STX8: variants seen among roughly 807,000 people sequenced by gnomAD.
The protein encoded by STX8 is syntaxin 8.
In STX8, 23 loss-of-function variants were observed where a neutral mutation model predicts 37.5. That is an observed-to-expected ratio of 0.61 (90% confidence interval 0.44 to 0.87). The LOEUF is 0.87. Among genes scored for constraint, STX8 ranks in the 40% least tolerant of loss-of-function variants. The pLI, the probability that STX8 is intolerant of heterozygous loss-of-function variation, is 0.00. For missense variants in STX8, 313 were observed against 284.7 expected, an observed-to-expected ratio of 1.10 and a Z score of -0.71; for synonymous variants, 115 against 99.1, an observed-to-expected ratio of 1.16 and a Z score of -0.95.
chr17:9,437,524 A>G (rs1365041924), intron 6 of STX8, among the ~76,000 whole-genome samples: 5 of 152,238 alleles, frequency 3.3e-5, no homozygotes, highest in African/African-American at 1.2e-4. Flanking sequence ...ACGTCTGACA[A>G]CTGTAGCTTT....
chr17:9,571,833 T>G (rs1476480738), intron 1 of STX8, among the ~76,000 whole-genome samples: 1 of 145,764 alleles, frequency 6.9e-6, no homozygotes, highest in Non-Finnish European at 1.5e-5. Context: ...GAGAATCACT[T>G]GAACTCAGGA....
chr17:9,378,529 G>C, intron 7 of STX8, 23 bp downstream of exon 7: 1 of 1,583,802 alleles, frequency 6.3e-7, no homozygotes, highest in Non-Finnish European at 8.7e-7. Flanking sequence ...CAGAAACAGA[G>C]CCATAACGTA....
chr17:9,562,407 G>A lies in STX8; in HGVS notation c.118-4879C>T, dbSNP rs1471797181. Among the ~76,000 whole-genome samples the A allele has an allele frequency of 9.5e-5, 14 of 146,874 alleles. No individual in the cohort carries two copies. In the East Asian group the frequency reaches 2.3e-3, roughly 24 times the overall value. On this transcript the variant is annotated intron_variant, in intron 2 of 7. Coordinates refer to ENST00000306357, the MANE Select transcript of STX8 (RefSeq NM_004853.3). Reference sequence around the variant, plus strand: ...GGCGACAGAGCGAGACTCCGTCTCAGGAAAAAAAAAAAAAAACTTTCACAC... The same window carrying A: ...GGCGACAGAGCGAGACTCCGTCTCAAGAAAAAAAAAAAAAAACTTTCACAC...
At chr17:9,447,068 C>T in intron 6 of STX8, among the ~76,000 whole-genome samples, 1 of 152,160 alleles carries the variant, frequency 6.6e-6, no homozygotes, top group East Asian at 1.9e-4. Context: ...TATTCAAGGT[C>T]AAGAACTTGG....
Position 9,454,502 on chromosome 17 carries a change from C to T in STX8, c.541+37327G>A, listed in dbSNP as rs1241494171. 2.0e-5 allele frequency among the ~76,000 whole-genome samples: 3 copies of T among 151,648 alleles called. No homozygotes were observed. The Middle Eastern group carries it at 0.01, about 519-fold the overall frequency. Reference sequence around the variant, plus strand: ...GACCATCCTGGCTAACACAGTGAAACCCCATCTCTACTAAAAAAATACAAA... The same window carrying T: ...GACCATCCTGGCTAACACAGTGAAATCCCATCTCTACTAAAAAAATACAAA... On this transcript the variant is annotated intron_variant, in intron 6 of 7. Coordinates refer to ENST00000306357, the MANE Select transcript of STX8 (RefSeq NM_004853.3).
chr17:9,278,678 T>C (rs1428341980), intron 7 of STX8, among the ~76,000 whole-genome samples: 3 of 152,052 alleles, frequency 2.0e-5, no homozygotes, highest in Admixed American at 2.0e-4. Flanking sequence ...TGCAGTATAA[T>C]GGAGCTCAGA....
At chr17:9,537,864 A>G (rs1174364508) in intron 4 of STX8, among the ~76,000 whole-genome samples, 1 of 152,050 alleles carries the variant, frequency 6.6e-6, no homozygotes, top group Non-Finnish European at 1.5e-5. Flanking sequence ...AATACAATCT[A>G]TTTTTTTGAA....
At chr17:9,319,981 T>G (rs1180326335) in intron 7 of STX8, among the ~76,000 whole-genome samples, 1 of 151,172 alleles carries the variant, frequency 6.6e-6, no homozygotes, top group Non-Finnish European at 1.5e-5. Flanking sequence ...TAAAATAAAA[T>G]AAAAGCAAAC....
chr17:9,311,303 G>C (rs115068443), intron 7 of STX8, among the ~76,000 whole-genome samples: 1 of 151,200 alleles, frequency 6.6e-6, no homozygotes, highest in Non-Finnish European at 1.5e-5. Context: ...CTGGCTATTC[G>C]CAGCTGCCTG....
At chr17:9,466,068 T>A (rs1024986616) in intron 6 of STX8, among the ~76,000 whole-genome samples, 11 of 152,112 alleles carry the variant, frequency 7.2e-5, no homozygotes, top group African/African-American at 2.4e-4. Context: ...CCTCCTGGGT[T>A]CAAGTGATTC....
At chr17:9,352,397 T>G (rs1157871515) in intron 7 of STX8, among the ~76,000 whole-genome samples, 13 of 151,060 alleles carry the variant, frequency 8.6e-5, no homozygotes, top group Non-Finnish European at 1.5e-5. Context: ...AAGCTGTTTT[T>G]CTAATTTTAT....
intron 7 of STX8, among the ~76,000 whole-genome samples, chr17:9,324,307 A>C (rs942779594): frequency 1.3e-5 from 2 of 152,206 alleles, no homozygotes; most frequent in African/African-American, 4.8e-5. Flanking sequence ...AGTGAAAAGC[A>C]AAGTCTCATT....
rs866642136 is a variant in STX8, at chr17:9,429,926, A to T, written c.542-51273T>A. Reference sequence around the variant, plus strand: ...ATTATATATTATATATAATATATATAATATATATTATATAGAATATATTAT... The same window carrying T: ...ATTATATATTATATATAATATATATTATATATATTATATAGAATATATTAT... On this transcript the variant is annotated intron_variant, in intron 6 of 7. Coordinates refer to ENST00000306357, the MANE Select transcript of STX8 (RefSeq NM_004853.3). Among the ~76,000 whole-genome samples the T allele has an allele frequency of 1.0e-3, 3 of 2,884 alleles. 1 individual carries two copies. The highest frequency in any genetic ancestry group is 6.5e-3 in the Admixed American group (1 of 154). 1.9% of individuals were successfully genotyped at this position (2,884 alleles called of 152,430 possible). A position where few individuals can be genotyped will look rare whatever the true frequency, so the allele number is the denominator to read the frequency against.
intron 6 of STX8, among the ~76,000 whole-genome samples, chr17:9,400,629 T>C (rs1293648197): frequency 6.6e-6 from 1 of 152,048 alleles, no homozygotes; most frequent in Non-Finnish European, 1.5e-5. Flanking sequence ...GGTCTCAAAC[T>C]TCCAACTTCA....
intron 6 of STX8, among the ~76,000 whole-genome samples, chr17:9,407,612 A>C (rs1216461554): frequency 6.6e-6 from 1 of 151,970 alleles, no homozygotes; most frequent in Non-Finnish European, 1.5e-5. Context: ...ATAAAACATC[A>C]ATCAAACACA....
intron 4 of STX8, among the ~76,000 whole-genome samples, chr17:9,534,730 G>C (rs1017382762): frequency 1.2e-4 from 18 of 152,178 alleles, no homozygotes; most frequent in Admixed American, 5.2e-4. Flanking sequence ...GGAGGTTGCA[G>C]TCAGCCGAGA....
chr17:9,317,415 C>T (rs556599334), intron 7 of STX8, among the ~76,000 whole-genome samples: 4 of 152,224 alleles, frequency 2.6e-5, no homozygotes, highest in African/African-American at 7.2e-5. Context: ...CAGACCCTCC[C>T]GCTTACCAAG....
At chr17:9,451,772 C>G (rs553457897) in intron 6 of STX8, among the ~76,000 whole-genome samples, 1 of 148,110 alleles carries the variant, frequency 6.8e-6, no homozygotes, top group Non-Finnish European at 1.5e-5. Flanking sequence ...CATATATACA[C>G]AAAAATATAC....
rs554948410 is a variant in STX8 at position 9,341,571 on chromosome 17, G to C, written c.643+36981C>G. On this transcript the variant is annotated intron_variant, in intron 7 of 7. Coordinates refer to ENST00000306357, the MANE Select transcript of STX8 (RefSeq NM_004853.3). ...CCTGCCTCAGCCTCCCGAGTAGCTG[G>C]GATTACAGGCATGTGCCACCAGGCC... Among the ~76,000 whole-genome samples the C allele has an allele frequency of 2.0e-5, 3 of 152,200 alleles. 1 individual carries two copies. The highest frequency in any genetic ancestry group is 7.2e-5 in the African/African-American group (3 of 41,552).
Sources: allele counts gnomAD v4.1 joint callset (sites outside exome capture counted in the v4.1 genomes callset), GRCh38; gene constraint gnomAD v4.1.1; transcripts MANE v1.5; gene names NCBI Gene and HGNC (gene_info 2026-07-23, HGNC 2026-07-21).